Variants in PPFIA2 observed in about 807,000 individuals in gnomAD.
The protein encoded by PPFIA2 is liprin-alpha-2.
Under a neutral mutation model 175.5 loss-of-function variants are expected in PPFIA2, and 46 were observed. The observed-to-expected ratio is 0.26, with a 90% CI of 0.21 to 0.34. The LOEUF (loss-of-function observed/expected upper bound fraction) is 0.34. PPFIA2 is among the 10% of genes least tolerant of loss of function. The pLI is 1.00. For synonymous variants in PPFIA2, 568 were observed against 511.4 expected (o/e 1.11, Z -1.49); for missense variants, 1,179 against 1,506.1 (o/e 0.78, Z 3.60).
intron 4 of PPFIA2, among the ~76,000 whole-genome samples, chr12:81,464,708 G>A (rs1206335321): frequency 6.6e-6 from 1 of 152,050 alleles, no homozygotes; most frequent in African/African-American, 2.4e-5. Flanking sequence ...ATTAAAGAGT[G>A]TATAACCTCT....
intron 4 of PPFIA2, among the ~76,000 whole-genome samples, chr12:81,633,301 G>T (rs2063606986): frequency 6.6e-6 from 1 of 152,044 alleles, no homozygotes; most frequent in Non-Finnish European, 1.5e-5. Context: ...AGAGGCTTAG[G>T]GATGACTAGA....
chr12:81,676,831 A>G lies in PPFIA2; in HGVS notation c.263T>C (p.Leu88Pro). The G allele has an allele frequency of 6.4e-7, 1 of 1,566,334 alleles. No homozygotes were observed. The highest frequency in any genetic ancestry group is 1.2e-5 in the South Asian group (1 of 84,020). ...CTTAGAACCAGCCAGCCCTCCTGTT[A>G]GGGATTCGATATCCTGAAAAGGGGA... Reference protein sequence around the residue: ...NSALPQDIESLTGGLAGSKGA... With the variant: ...NSALPQDIESPTGGLAGSKGA... The change falls in exon 4 of 33, where the codon CTA (leucine) becomes CCA (proline). Residue 88 changes from leucine to proline, a missense_variant. Coordinates refer to ENST00000549396, the MANE Select transcript of PPFIA2 (RefSeq NM_003625.5).
At chr12:81,684,503 A>C (rs944284598) in intron 3 of PPFIA2, among the ~76,000 whole-genome samples, 1 of 152,172 alleles carries the variant, frequency 6.6e-6, no homozygotes, top group Admixed American at 6.6e-5. Flanking sequence ...TATTGAATGA[A>C]TGATGTGATA....
intron 4 of PPFIA2, among the ~76,000 whole-genome samples, chr12:81,559,796 G>A (rs2069607044): frequency 7.4e-6 from 1 of 134,648 alleles, no homozygotes. Flanking sequence ...TTTACATGAT[G>A]CTTAGTTGTT....
At chr12:81,326,787 T>G (rs1286669947) in intron 21 of PPFIA2, among the ~76,000 whole-genome samples, 1 of 152,078 alleles carries the variant, frequency 6.6e-6, no homozygotes, top group Non-Finnish European at 1.5e-5. Flanking sequence ...TTTAAATGAG[T>G]TAAGGTATAT....
At chr12:81,376,916 T>A (rs1196824030) in intron 9 of PPFIA2, among the ~76,000 whole-genome samples, 1 of 152,136 alleles carries the variant, frequency 6.6e-6, no homozygotes, top group African/African-American at 2.4e-5. Flanking sequence ...CTGTCACATA[T>A]AATAATCAGA....
intron 8 of PPFIA2, among the ~76,000 whole-genome samples, chr12:81,389,771 A>G (rs1481743431): frequency 1.3e-5 from 2 of 152,112 alleles, no homozygotes; most frequent in African/African-American, 4.8e-5. Flanking sequence ...ATTAAAAGTC[A>G]GTACTTATTT....
At chr12:81,419,278 C>G (rs1333643594) in intron 7 of PPFIA2, among the ~76,000 whole-genome samples, 1 of 151,908 alleles carries the variant, frequency 6.6e-6, no homozygotes, top group Admixed American at 6.6e-5. Context: ...CCTCAATTTT[C>G]CTATCTATAA....
At chr12:81,329,121 A>G (rs758170957) in intron 21 of PPFIA2, among the ~76,000 whole-genome samples, 1 of 152,050 alleles carries the variant, frequency 6.6e-6, no homozygotes, top group Admixed American at 6.6e-5. Context: ...TCATTCTCAA[A>G]ATGATGAGTG....
intron 4 of PPFIA2, among the ~76,000 whole-genome samples, chr12:81,584,802 ATATT>A (rs1283892017): frequency 4.5e-5 from 6 of 132,332 alleles, no homozygotes; most frequent in East Asian, 2.0e-4. Context: ...TATAATATAT[ATATT>A]TATTATATAC....
chr12:81,422,251 C>T (rs763461356), intron 7 of PPFIA2, among the ~76,000 whole-genome samples: 12 of 151,596 alleles, frequency 7.9e-5, no homozygotes, highest in Non-Finnish European at 1.6e-4. Flanking sequence ...TGTTACACCT[C>T]TGCAAAGACT....
At chr12:81,302,703 GAGA>G (rs2048162532) in intron 22 of PPFIA2, 1 of 453,134 alleles carries the variant, frequency 2.2e-6, no homozygotes, top group African/African-American at 2.0e-5. Context: ...TTCCTTTTGA[GAGA>G]AGTAACAATT....
At chr12:81,548,772 G>A (rs1456023120) in intron 4 of PPFIA2, among the ~76,000 whole-genome samples, 3 of 152,024 alleles carry the variant, frequency 2.0e-5, no homozygotes, top group Non-Finnish European at 2.9e-5. Flanking sequence ...TCAATGTAGT[G>A]CCAGATGATA....
intron 4 of PPFIA2, among the ~76,000 whole-genome samples, chr12:81,542,757 A>T (rs2066412895): frequency 1.3e-5 from 2 of 152,236 alleles, no homozygotes; most frequent in East Asian, 1.9e-4. Flanking sequence ...CCAGCTTTAT[A>T]GCCAGGAATG....
chr12:81,453,567 T>A (rs898437375), intron 5 of PPFIA2, among the ~76,000 whole-genome samples: 15 of 152,140 alleles, frequency 9.9e-5, no homozygotes, highest in Non-Finnish European at 2.1e-4. Flanking sequence ...TGTTTCAATA[T>A]TTTTTCTACA....
At chr12:81,355,600 C>T (rs1044683273) in intron 16 of PPFIA2, among the ~76,000 whole-genome samples, 2 of 152,212 alleles carry the variant, frequency 1.3e-5, no homozygotes, top group Non-Finnish European at 2.9e-5. Flanking sequence ...TAGTCATCCT[C>T]ATGAATTATC....
chr12:81,362,862 T>A (rs1477447284), intron 14 of PPFIA2, 78 bp from the exon 15 acceptor site: 1 of 879,486 alleles, frequency 1.1e-6, no homozygotes, highest in African/African-American at 1.7e-5. Context: ...TAATGATTTT[T>A]TTTAAAAAGG....
intron 2 of PPFIA2, among the ~76,000 whole-genome samples, chr12:81,755,332 T>C (rs1054109554): frequency 1.3e-5 from 2 of 152,158 alleles, no homozygotes; most frequent in African/African-American, 2.4e-5. Flanking sequence ...TCAATTTTGG[T>C]TGTTGTACTA....
At chr12:81,329,056 G>A (rs946245509) in intron 21 of PPFIA2, among the ~76,000 whole-genome samples, 1 of 151,880 alleles carries the variant, frequency 6.6e-6, no homozygotes, top group African/African-American at 2.4e-5. Flanking sequence ...CTTTGACTTT[G>A]GCCTCCCAAA....
Sources: allele counts gnomAD v4.1 joint callset (sites outside exome capture counted in the v4.1 genomes callset), GRCh38; gene constraint gnomAD v4.1.1; transcripts MANE v1.5; gene names NCBI Gene and HGNC (gene_info 2026-07-23, HGNC 2026-07-21).